The following ACAP2 variants were observed in gnomAD, a reference collection of about 807,000 sequenced individuals.
ACAP2 encodes the protein ArfGAP with coiled-coil, ankyrin repeat and PH domains 2.
In ACAP2, 39 loss-of-function variants were observed where a neutral mutation model predicts 115.8. The ratio of observed to expected loss-of-function variants is 0.34; its 90% CI spans 0.26 to 0.44. ACAP2 has a LOEUF of 0.44. ACAP2 is among the 20% of genes least tolerant of loss of function. ACAP2 has a pLI of 1.00. For missense variants in ACAP2, 662 were observed against 927.6 expected (o/e 0.71, Z 3.72); for synonymous variants, 289 against 315.8 (o/e 0.92, Z 0.90).
chr3:195,343,202 A>G (rs1730987188), intron 5 of ACAP2, among the ~76,000 whole-genome samples: 1 of 152,186 alleles, frequency 6.6e-6, no homozygotes, highest in African/African-American at 2.4e-5. Context: ...TCTAATTAAC[A>G]TTACAGAAAC....
chr3:195,411,907 A>C lies in ACAP2; in HGVS notation c.54-19760T>G, dbSNP rs568720763. Among the ~76,000 whole-genome samples, 9 of 151,720 alleles carry C rather than the reference A, an allele frequency of 5.9e-5. No individual in the cohort carries two copies. The South Asian group carries it at 6.2e-4, about 11-fold the overall frequency. On this transcript the variant is annotated intron_variant, in intron 1 of 22. Coordinates refer to ENST00000326793, the MANE Select transcript of ACAP2 (RefSeq NM_012287.6). ...TTAGTAATAAGGAAAAAAAAAAAAA[A>C]CTCACAATGAATGTCAAAAACAAAT...
rs1726218353 is a variant in ACAP2 at position 195,277,308 on chromosome 3, A to G, written c.*2020T>C. On this transcript the variant is annotated 3_prime_UTR_variant, in exon 23 of 23. Coordinates refer to ENST00000326793, the MANE Select transcript of ACAP2 (RefSeq NM_012287.6). ...TTCAAGGTACATGCTAATAAAAACT[A>G]CAAATCAGATTTTTGCCTTTAGTGA... 1 of 152,258 alleles carries G rather than the reference A, an allele frequency of 6.6e-6. No individual in the cohort carries two copies. The highest frequency in any genetic ancestry group is 1.5e-5 in the Non-Finnish European group (1 of 68,046). 9.4% of individuals were successfully genotyped at this position (152,258 alleles called of 1,614,324 possible).
chr3:195,344,019 A>G (rs1487308945), intron 5 of ACAP2, among the ~76,000 whole-genome samples: 1 of 152,206 alleles, frequency 6.6e-6, no homozygotes, highest in Admixed American at 6.5e-5. Context: ...GACTAGCCTC[A>G]GCAACATAGT....
intron 1 of ACAP2, among the ~76,000 whole-genome samples, chr3:195,420,784 G>A (rs1401015085): frequency 1.3e-5 from 2 of 151,880 alleles, no homozygotes; most frequent in Non-Finnish European, 2.9e-5. Context: ...AAGGGATTAC[G>A]GGCACGAGCC....
At chr3:195,341,321 G>T (rs1397410531) in intron 6 of ACAP2, among the ~76,000 whole-genome samples, 1,384 of 107,068 alleles carry the variant, frequency 0.013, 76 homozygotes, top group African/African-American at 0.047. Context: ...TATTGTGTGG[G>T]TTTTTTTTTT....
rs35365512 is a variant in ACAP2 at position 195,370,952 on chromosome 3, C to CAAA, written c.285+10054_285+10056dup. Among the ~76,000 whole-genome samples the CAAA allele has an allele frequency of 2.1e-3, 224 of 104,304 alleles. 3 individuals are homozygous for CAAA. The South Asian group carries it at 0.028, about 13-fold the overall frequency. 68.4% of individuals were successfully genotyped at this position (104,304 alleles called of 152,430 possible). Reference sequence around the variant, plus strand: ...GGGCAGCTAGAGTGAAACTCTGTCTCAAAAAAAAAAAAAAAAAAAATAGTT... The same window carrying CAAA: ...GGGCAGCTAGAGTGAAACTCTGTCTCAAAAAAAAAAAAAAAAAAAAAAATAGTT... On this transcript the variant is annotated intron_variant, in intron 4 of 22. Coordinates refer to ENST00000326793, the MANE Select transcript of ACAP2 (RefSeq NM_012287.6).
chr3:195,396,510 G>A (rs752296650), intron 1 of ACAP2, among the ~76,000 whole-genome samples: 5 of 151,790 alleles, frequency 3.3e-5, no homozygotes, highest in East Asian at 1.9e-4. Flanking sequence ...AGTATGGGCC[G>A]GGCACGGTGG....
chr3:195,372,213 T>A (rs779281166), intron 4 of ACAP2, among the ~76,000 whole-genome samples: 2 of 152,052 alleles, frequency 1.3e-5, no homozygotes, highest in Non-Finnish European at 2.9e-5. Flanking sequence ...AGGAAAAAAA[T>A]GTCAAGAACT....
Position 195,315,692 on chromosome 3 carries a change from T to C in ACAP2, c.857+5009A>G, listed in dbSNP as rs548440803. Among the ~76,000 whole-genome samples the C allele has an allele frequency of 2.0e-5, 3 of 152,324 alleles. No homozygotes were observed. The East Asian group carries it at 5.8e-4, about 29-fold the overall frequency. On this transcript the variant is annotated intron_variant, in intron 10 of 22. Coordinates refer to ENST00000326793, the MANE Select transcript of ACAP2 (RefSeq NM_012287.6). ...TAAGGGGCTCTACAATCTATGATTC[T>C]AGTCAATAACTGCCATTTCACTACA...
intron 1 of ACAP2, among the ~76,000 whole-genome samples, chr3:195,431,577 A>G (rs1284561498): frequency 6.7e-6 from 1 of 149,918 alleles, no homozygotes. Flanking sequence ...AGCTGGGACT[A>G]CAGGTACATG....
intron 1 of ACAP2, among the ~76,000 whole-genome samples, chr3:195,408,550 C>G (rs572015940): frequency 2.0e-5 from 3 of 152,136 alleles, no homozygotes; most frequent in Non-Finnish European, 4.4e-5. Flanking sequence ...TACACCAACC[C>G]TTCTCAGACT....
At chr3:195,405,364 T>G (rs1223759524) in intron 1 of ACAP2, among the ~76,000 whole-genome samples, 2 of 152,142 alleles carry the variant, frequency 1.3e-5, no homozygotes, top group South Asian at 4.1e-4. Flanking sequence ...TTAAGGATGA[T>G]GTATTGGTCT....
chr3:195,355,773 C>T (rs979435192), intron 4 of ACAP2, among the ~76,000 whole-genome samples: 2 of 152,150 alleles, frequency 1.3e-5, no homozygotes, highest in Non-Finnish European at 2.9e-5. Context: ...GGCTGCATAA[C>T]CATAGAGAGC....
In ACAP2 at chr3:195,442,852, C is replaced by A; in HGVS notation, c.-5G>T. 1 of 1,515,674 alleles carries A rather than the reference C, an allele frequency of 6.6e-7. No individual in the cohort carries two copies. Among genetic ancestry groups the A allele is most frequent in the Non-Finnish European group, 8.8e-7 (1 of 1,132,114 alleles). The allele number at this position is 1,515,674 out of a possible 1,614,324, so 93.9% of individuals were successfully genotyped here. On this transcript the variant is annotated 5_prime_UTR_variant, in exon 1 of 23. Coordinates refer to ENST00000326793, the MANE Select transcript of ACAP2 (RefSeq NM_012287.6). ...GAAATCCACAGTCATCTTCATCCTG[C>A]CTCCGCCTCGCAGGCGGCGCTGGCA...
intron 4 of ACAP2, among the ~76,000 whole-genome samples, chr3:195,359,008 C>G (rs1476460124): frequency 6.6e-6 from 1 of 152,090 alleles, no homozygotes; most frequent in Admixed American, 6.5e-5. Flanking sequence ...CCTTACAGGC[C>G]AGGAGAGAGA....
intron 1 of ACAP2, among the ~76,000 whole-genome samples, chr3:195,429,231 T>C (rs960796934): frequency 3.3e-5 from 5 of 151,814 alleles, no homozygotes; most frequent in Non-Finnish European, 7.4e-5. Context: ...CCGCTAAATA[T>C]ACAAAAATTA....
intron 2 of ACAP2, among the ~76,000 whole-genome samples, chr3:195,384,516 C>T (rs1473021329): frequency 2.0e-5 from 3 of 152,082 alleles, no homozygotes; most frequent in Non-Finnish European, 4.4e-5. Flanking sequence ...CACTTGAGGT[C>T]AGGAGTTCAA....
chr3:195,320,606 T>A, intron 10 of ACAP2, 95 bp downstream of exon 10: 1 of 805,610 alleles, frequency 1.2e-6, no homozygotes, highest in Non-Finnish European at 2.0e-6. Context: ...TTTACAGAAG[T>A]TAAAGAACTA....
intron 1 of ACAP2, among the ~76,000 whole-genome samples, chr3:195,436,046 CA>C (rs1321510935): frequency 6.6e-6 from 1 of 151,576 alleles, no homozygotes; most frequent in Admixed American, 6.6e-5. Context: ...TATTTATAGT[CA>C]TTATGTCTTT....
Sources: gnomAD v4.1 joint callset for allele counts (sites outside exome capture counted in the v4.1 genomes callset) on GRCh38, gnomAD v4.1.1 for gene constraint, MANE v1.5 for transcripts, NCBI Gene and HGNC (gene_info 2026-07-23, HGNC 2026-07-21) for gene names.